The following SMIM14 variants were observed in gnomAD, a reference collection of about 807,000 sequenced individuals.
SMIM14 encodes the protein small integral membrane protein 14, also known as chromosome 4 open reading frame 34.
In SMIM14, 5 loss-of-function variants were observed where a neutral mutation model predicts 12.6. That is an observed-to-expected ratio of 0.40 (90% CI 0.21 to 0.83). SMIM14 has a LOEUF of 0.83. Among genes scored for constraint, SMIM14 ranks in the 40% least tolerant of loss-of-function variants. SMIM14 has a pLI of 0.37. For synonymous variants in SMIM14, 30 were observed against 40.1 expected (o/e 0.75, Z 0.95); for missense variants, 86 against 119.1 (o/e 0.72, Z 1.29).
intron 2 of SMIM14, among the ~76,000 whole-genome samples, chr4:39,590,661 G>T (rs1390380946): frequency 6.6e-6 from 1 of 151,972 alleles, no homozygotes; most frequent in Non-Finnish European, 1.5e-5. Context: ...AGTTAGCCGG[G>T]CGTGGTGGCA....
intron 2 of SMIM14, among the ~76,000 whole-genome samples, chr4:39,598,576 A>G (rs1578345538): frequency 6.8e-6 from 1 of 147,844 alleles, no homozygotes; most frequent in East Asian, 2.1e-4. Context: ...TAATGGTTGT[A>G]TCATAAAGTT....
intron 2 of SMIM14, among the ~76,000 whole-genome samples, chr4:39,596,912 A>T (rs1223675509): frequency 6.6e-6 from 1 of 152,008 alleles, no homozygotes; most frequent in East Asian, 1.9e-4. Flanking sequence ...AGGAGCTGTG[A>T]CTATAGGTAT....
In SMIM14 at chr4:39,546,506, G is replaced by A. The variant is rs1319171915; in HGVS notation, c.*5620C>T. ...TGGTGTTTATGGAGCATCTTTTGGA[G>A]GGGGGGGAACCCCCAACAACTCTAC... is the stretch of plus-strand genomic sequence containing the variant. On this transcript the variant is annotated 3_prime_UTR_variant, in exon 5 of 5. Coordinates refer to ENST00000295958, the MANE Select transcript of SMIM14 (RefSeq NM_174921.3). The A allele has an allele frequency of 1.4e-5, 2 of 148,120 alleles. No homozygotes were observed. The highest frequency in any genetic ancestry group is 1.9e-4 in the East Asian group (1 of 5,182). The allele number at this position is 148,120 out of a possible 1,614,324, so 9.2% of individuals were successfully genotyped here.
intron 2 of SMIM14, among the ~76,000 whole-genome samples, chr4:39,600,476 T>C (rs188709862): frequency 1.5e-3 from 226 of 151,912 alleles, no homozygotes; most frequent in African/African-American, 5.3e-3. Flanking sequence ...GATCACCTGA[T>C]GTCAGGAGTT....
In SMIM14 at chr4:39,638,786, G is replaced by A. The variant is rs1336209270; in HGVS notation, c.-83C>T. 1.0e-6 allele frequency: 1 copy of A among 985,520 alleles called. No homozygotes were observed. The highest frequency in any genetic ancestry group is 1.2e-6 in the Non-Finnish European group (1 of 830,012). The allele number at this position is 985,520 out of a possible 1,614,324, so 61.0% of individuals were successfully genotyped here. A position where few individuals can be genotyped will look rare whatever the true frequency, so the allele number is the denominator to read the frequency against. Reference sequence around the variant, plus strand: ...GGCGGGGAGGATGGGGGCCGGGACCGAGGCTCGGCAGAAAGACCGCCTGGA... The same window carrying A: ...GGCGGGGAGGATGGGGGCCGGGACCAAGGCTCGGCAGAAAGACCGCCTGGA... On this transcript the variant is annotated 5_prime_UTR_variant, in exon 1 of 5. Coordinates refer to ENST00000295958, the MANE Select transcript of SMIM14 (RefSeq NM_174921.3).
chr4:39,589,206 CCTCT>C (rs1205709485), intron 2 of SMIM14, among the ~76,000 whole-genome samples: 1 of 152,208 alleles, frequency 6.6e-6, no homozygotes, highest in Admixed American at 6.5e-5. Context: ...CCTGCCTCAG[CCTCT>C]CAAGTAGCTG....
chr4:39,622,839 T>C, intron 1 of SMIM14, among the ~76,000 whole-genome samples: 1 of 152,252 alleles, frequency 6.6e-6, no homozygotes, highest in East Asian at 1.9e-4. Flanking sequence ...TATCATATAA[T>C]GGTTACATAT....
chr4:39,628,017 C>T (rs1346954803), intron 1 of SMIM14, among the ~76,000 whole-genome samples: 1 of 151,938 alleles, frequency 6.6e-6, no homozygotes, highest in African/African-American at 2.4e-5. Flanking sequence ...TTTTTTAATC[C>T]TAAAAAAAAG....
At chr4:39,582,184 T>C (rs1336422624) in intron 2 of SMIM14, among the ~76,000 whole-genome samples, 1 of 152,082 alleles carries the variant, frequency 6.6e-6, no homozygotes, top group African/African-American at 2.4e-5. Flanking sequence ...CAAATGTCTT[T>C]TCTTAGATAA....
chr4:39,568,030 C>T (rs1188979719), intron 3 of SMIM14, among the ~76,000 whole-genome samples: 1 of 152,156 alleles, frequency 6.6e-6, no homozygotes, highest in East Asian at 1.9e-4. Flanking sequence ...GTAATCCCAG[C>T]ACTTTGGGAG....
At chr4:39,615,476 CATAG>C (rs1332504690) in intron 1 of SMIM14, among the ~76,000 whole-genome samples, 2 of 152,078 alleles carry the variant, frequency 1.3e-5, no homozygotes, top group Non-Finnish European at 2.9e-5. Context: ...TGTCAAACCC[CATAG>C]GATGTACAAT....
chr4:39,587,851 T>TA (rs2110033362), intron 2 of SMIM14: 1 of 152,404 alleles, frequency 6.6e-6, no homozygotes, highest in East Asian at 1.9e-4. Context: ...CTGTGACTGC[T>TA]ACACCCAAGA....
intron 3 of SMIM14, among the ~76,000 whole-genome samples, chr4:39,568,182 G>A (rs1320055822): frequency 1.3e-5 from 2 of 151,872 alleles, no homozygotes; most frequent in Non-Finnish European, 2.9e-5. Flanking sequence ...GGGAGGCTGA[G>A]GCAGGAGAAT....
At chr4:39,628,196 A>G (rs1213640868) in intron 1 of SMIM14, among the ~76,000 whole-genome samples, 1 of 151,330 alleles carries the variant, frequency 6.6e-6, no homozygotes, top group Admixed American at 6.6e-5. Context: ...ACACCCAGCT[A>G]CTCTGGAGGC....
In SMIM14 at chr4:39,637,193, G is replaced by T. The variant is rs115712097; in HGVS notation, c.-36+1546C>A. On this transcript the variant is annotated intron_variant, in intron 1 of 4. Transcript: ENST00000295958. ...ACTAACATTTTGGTGATCTTTGGGT[G>T]GCAGGATTATTGATTTTTTTTTCCT... Among the ~76,000 whole-genome samples, 896 of 152,206 alleles carry T rather than the reference G, an allele frequency of 5.9e-3. 13 individuals are homozygous for T. Among genetic ancestry groups the T allele is most frequent in the African/African-American group, 0.02 (824 of 41,528 alleles).
intron 3 of SMIM14, among the ~76,000 whole-genome samples, chr4:39,569,881 G>A (rs7696074): frequency 0.12 from 18,631 of 152,134 alleles, 2,615 homozygotes; most frequent in African/African-American, 0.34. Context: ...CAACCCTACA[G>A]ACTTAATAGT....
At chr4:39,607,936 C>G (rs536274630) in intron 1 of SMIM14, among the ~76,000 whole-genome samples, 16 of 152,174 alleles carry the variant, frequency 1.1e-4, no homozygotes, top group African/African-American at 3.6e-4. Context: ...TGCTTAAAGT[C>G]AGTAATCATT....
At chr4:39,599,946 AAAAAAG>A (rs1714537240) in intron 2 of SMIM14, among the ~76,000 whole-genome samples, 3 of 152,004 alleles carry the variant, frequency 2.0e-5, no homozygotes, top group Admixed American at 2.0e-4. Context: ...AAAAAAAAAA[AAAAAAG>A]AAAAAGAGGG....
intron 3 of SMIM14, among the ~76,000 whole-genome samples, chr4:39,565,558 A>C (rs1014243190): frequency 5.9e-5 from 9 of 152,168 alleles, no homozygotes; most frequent in African/African-American, 1.9e-4. Context: ...TCCTGAGCCC[A>C]AGTGATCTGC....
Sources: gnomAD v4.1 joint callset for allele counts (sites outside exome capture counted in the v4.1 genomes callset) on GRCh38, gnomAD v4.1.1 for gene constraint, MANE v1.5 for transcripts, NCBI Gene and HGNC (gene_info 2026-07-23, HGNC 2026-07-21) for gene names.